Variants in RPH3A observed in about 807,000 individuals in gnomAD.
RPH3A encodes rabphilin-3A.
In RPH3A, 48 loss-of-function variants were observed where a neutral mutation model predicts 102.2. The ratio of observed to expected loss-of-function variants is 0.47; its 90% CI spans 0.37 to 0.60. RPH3A has a LOEUF of 0.60. Ranked by LOEUF, RPH3A falls within the 20% of genes least tolerant of loss-of-function variation. RPH3A has a pLI of 0.00. For synonymous variants in RPH3A, 310 were observed against 324.3 expected (o/e 0.96, Z 0.47); for missense variants, 781 against 910.1 (o/e 0.86, Z 1.83).
intron 1 of RPH3A, among the ~76,000 whole-genome samples, chr12:112,649,153 G>A (rs570089295): frequency 2.0e-5 from 3 of 152,304 alleles, no homozygotes; most frequent in South Asian, 2.1e-4. Flanking sequence ...TATTTGTGTG[G>A]TTCTTTGATG....
intron 1 of RPH3A, among the ~76,000 whole-genome samples, chr12:112,668,817 G>T (rs1376783992): frequency 6.6e-6 from 1 of 151,130 alleles, no homozygotes; most frequent in Non-Finnish European, 1.5e-5. Flanking sequence ...CAGACTTAAA[G>T]TTAAAAAAAA....
intron 2 of RPH3A, among the ~76,000 whole-genome samples, chr12:112,818,307 TAA>T (rs745954372): frequency 8.2e-4 from 36 of 43,816 alleles, no homozygotes; most frequent in Middle Eastern, 0.012. Context: ...TCAAGAAGAA[TAA>T]AAAAAAAAAA....
intron 1 of RPH3A, among the ~76,000 whole-genome samples, chr12:112,591,945 C>T (rs2135963894): frequency 6.6e-6 from 1 of 152,298 alleles, no homozygotes; most frequent in South Asian, 2.1e-4. Context: ...ATACCAAAAC[C>T]TGTGGGTTCT....
At chr12:112,803,160 C>T (rs529420856) in intron 2 of RPH3A, among the ~76,000 whole-genome samples, 1 of 152,216 alleles carries the variant, frequency 6.6e-6, no homozygotes, top group African/African-American at 2.4e-5. Context: ...TGAGGGCAGC[C>T]CCAGGTCTCC....
chr12:112,877,522 G>T (rs1156940199), intron 13 of RPH3A, among the ~76,000 whole-genome samples: 2 of 151,814 alleles, frequency 1.3e-5, no homozygotes, highest in Non-Finnish European at 2.9e-5. Context: ...CTGGAGAGAG[G>T]TAGAATTGGC....
At chr12:112,693,335 T>G (rs1238161815) in intron 1 of RPH3A, among the ~76,000 whole-genome samples, 1 of 152,230 alleles carries the variant, frequency 6.6e-6, no homozygotes, top group Non-Finnish European at 1.5e-5. Context: ...TGGGGTCACC[T>G]TTGACTCAGA....
chr12:112,678,742 G>A (rs1424850524), intron 1 of RPH3A, among the ~76,000 whole-genome samples: 1 of 152,078 alleles, frequency 6.6e-6, no homozygotes, highest in East Asian at 1.9e-4. Flanking sequence ...GTCAGGTGTG[G>A]CGCTCAGAGG....
chr12:112,833,190 T>C (rs1489377606), intron 3 of RPH3A, among the ~76,000 whole-genome samples: 1 of 152,186 alleles, frequency 6.6e-6, no homozygotes. Context: ...TTACTACATT[T>C]TGATATTCTC....
At chr12:112,833,539 G>C (rs1474225419) in intron 3 of RPH3A, among the ~76,000 whole-genome samples, 2 of 74,182 alleles carry the variant, frequency 2.7e-5, no homozygotes, top group Non-Finnish European at 6.5e-5. Context: ...GAGATGTTCT[G>C]GTCATCCAGA....
intron 2 of RPH3A, among the ~76,000 whole-genome samples, chr12:112,794,054 G>A (rs545110844): frequency 4.6e-4 from 70 of 152,332 alleles, no homozygotes; most frequent in Middle Eastern, 6.8e-3. Flanking sequence ...TCTCCACTGG[G>A]TCACTTCCTT....
chr12:112,824,050 C>A (rs1344241051), intron 2 of RPH3A, among the ~76,000 whole-genome samples: 1 of 152,230 alleles, frequency 6.6e-6, no homozygotes, highest in Non-Finnish European at 1.5e-5. Context: ...GAAGCAGAAC[C>A]TGAGATGTGC....
At chr12:112,707,109 A>G (rs1173959670) in intron 1 of RPH3A, among the ~76,000 whole-genome samples, 1 of 152,186 alleles carries the variant, frequency 6.6e-6, no homozygotes, top group Non-Finnish European at 1.5e-5. Context: ...GAATGGGGCC[A>G]TGTAAGAGGT....
intron 1 of RPH3A, among the ~76,000 whole-genome samples, chr12:112,762,119 G>T (rs1273173965): frequency 6.6e-6 from 1 of 152,150 alleles, no homozygotes; most frequent in Admixed American, 6.5e-5. Context: ...TGTTCAATAA[G>T]TATTCACTAT....
At chr12:112,635,410 T>A (rs1231367498) in intron 1 of RPH3A, among the ~76,000 whole-genome samples, 1 of 152,198 alleles carries the variant, frequency 6.6e-6, no homozygotes, top group East Asian at 1.9e-4. Context: ...TGCCTCAGTT[T>A]CTTTATTTGT....
intron 1 of RPH3A, among the ~76,000 whole-genome samples, chr12:112,737,766 C>T (rs751402847): frequency 7.9e-5 from 12 of 152,110 alleles, no homozygotes; most frequent in South Asian, 2.1e-4. Context: ...TTCCCTGGAC[C>T]GAGTCCAATA....
intron 1 of RPH3A, among the ~76,000 whole-genome samples, chr12:112,580,952 C>T (rs1331542911): frequency 6.6e-6 from 1 of 152,108 alleles, no homozygotes; most frequent in Admixed American, 6.6e-5. Flanking sequence ...ATACCGAGTC[C>T]ACTGCATTCC....
intron 1 of RPH3A, among the ~76,000 whole-genome samples, chr12:112,782,643 C>T (rs1351717044): frequency 6.6e-6 from 1 of 152,218 alleles, no homozygotes; most frequent in African/African-American, 2.4e-5. Flanking sequence ...CAGTATTTCT[C>T]TCTTCCCAGG....
chr12:112,856,238 A>T (rs1340832650), intron 5 of RPH3A, among the ~76,000 whole-genome samples: 1 of 152,198 alleles, frequency 6.6e-6, no homozygotes. Context: ...TTTCCTCGAC[A>T]CGCATCAAGA....
intron 1 of RPH3A, among the ~76,000 whole-genome samples, chr12:112,611,939 C>T (rs966316520): frequency 1.3e-5 from 2 of 152,154 alleles, no homozygotes; most frequent in Non-Finnish European, 1.5e-5. Flanking sequence ...TTATGGCTAG[C>T]GGCTAAAGCA....
Sources: gnomAD v4.1 joint callset for allele counts (sites outside exome capture counted in the v4.1 genomes callset) on GRCh38, gnomAD v4.1.1 for gene constraint, MANE v1.5 for transcripts, NCBI Gene and HGNC (gene_info 2026-07-23, HGNC 2026-07-21) for gene names.